Variants in CRIM1 observed in about 807,000 individuals in gnomAD.
CRIM1 encodes the protein cysteine rich transmembrane BMP regulator 1.
Under a neutral mutation model 116.4 loss-of-function variants are expected in CRIM1, and 32 were observed. That is an observed-to-expected ratio of 0.27 (90% CI 0.21 to 0.37). CRIM1 has a LOEUF of 0.37. Ranked by LOEUF, CRIM1 falls within the 10% of genes least tolerant of loss-of-function variation. CRIM1 has a pLI of 1.00. For synonymous variants in CRIM1, 590 were observed against 509.2 expected (o/e 1.16, Z -2.13); for missense variants, 1,331 against 1,354.8 (o/e 0.98, Z 0.28).
chr2:36,410,863 G>T (rs1365323898), intron 2 of CRIM1, among the ~76,000 whole-genome samples: 1 of 152,124 alleles, frequency 6.6e-6, no homozygotes, highest in Non-Finnish European at 1.5e-5. Flanking sequence ...GCATTAACGT[G>T]GCGTCTGCAA....
intron 13 of CRIM1, among the ~76,000 whole-genome samples, chr2:36,522,782 A>T (rs1472766970): frequency 2.1e-5 from 3 of 145,200 alleles, no homozygotes; most frequent in Non-Finnish European, 3.0e-5. Context: ...AGCCTGGGTG[A>T]CAGAGCAAGA....
rs758402543 is a variant in CRIM1, at chr2:36,356,398, G to C, written c.106G>C (p.Val36Leu). The C allele has an allele frequency of 7.5e-6, 12 of 1,605,502 alleles. No homozygotes were observed. Among genetic ancestry groups the C allele is most frequent in the Non-Finnish European group, 9.3e-6 (11 of 1,177,784 alleles). ...GGCGCGCTCCGGCACCCGGGCGCTGGTCTGCCTGCCCTGTGACGAGTCCAA... is the reference window on the plus strand; with the variant it reads ...GGCGCGCTCCGGCACCCGGGCGCTGCTCTGCCTGCCCTGTGACGAGTCCAA... ...LLARSGTRAL[V>L]CLPCDESKCE... Residue 36 changes from valine to leucine, a missense_variant, in exon 1 of 17, where the codon GTC (valine) becomes CTC (leucine). Physicochemically the swap from Val to Leu is conservative, Grantham distance 32. Coordinates refer to ENST00000280527, the MANE Select transcript of CRIM1 (RefSeq NM_016441.3). This position sits in a 1 kb window ranked among gnomAD's most constrained non-coding sequence, Gnocchi z 4.3.
chr2:36,404,819 G>C (rs1672668926), intron 2 of CRIM1, among the ~76,000 whole-genome samples: 1 of 152,102 alleles, frequency 6.6e-6, no homozygotes, highest in African/African-American at 2.4e-5. Flanking sequence ...GCAGATAACA[G>C]TTGCCTCAGA....
chr2:36,390,715 A>C (rs1487413329), intron 1 of CRIM1, among the ~76,000 whole-genome samples: 1 of 152,126 alleles, frequency 6.6e-6, no homozygotes, highest in Non-Finnish European at 1.5e-5. Context: ...TCTTGCACTA[A>C]AGAAAGGAAT....
At chr2:36,397,817 G>A (rs183290729) in intron 2 of CRIM1, among the ~76,000 whole-genome samples, 283 of 152,236 alleles carry the variant, frequency 1.9e-3, no homozygotes, top group Non-Finnish European at 3.4e-3. Context: ...GAAAAGAATA[G>A]AGTAGAAAAC....
intron 13 of CRIM1, among the ~76,000 whole-genome samples, chr2:36,534,518 T>TAGGGAAGGGAGGGAGAGG (rs1666376646): frequency 1.6e-5 from 1 of 60,998 alleles, no homozygotes; most frequent in Non-Finnish European, 3.1e-5. Context: ...GAGAGAGGGA[T>TAGGGAAGGGAGGGAGAGG]AGGGAAGGGA....
chr2:36,405,152 CT>C (rs986001790), intron 2 of CRIM1, among the ~76,000 whole-genome samples: 1 of 152,094 alleles, frequency 6.6e-6, no homozygotes, highest in East Asian at 1.9e-4. Flanking sequence ...ATTTATATAA[CT>C]TTTTTTCTCA....
intron 1 of CRIM1, among the ~76,000 whole-genome samples, chr2:36,386,931 G>C (rs1188366068): frequency 6.6e-6 from 1 of 152,084 alleles, no homozygotes; most frequent in African/African-American, 2.4e-5. Flanking sequence ...AAACAACATG[G>C]GACATTCAGG....
In CRIM1 at chr2:36,419,634, GGGA is replaced by G. The variant is rs550983188; in HGVS notation, c.506-21623_506-21621del. On this transcript the variant is annotated intron_variant, in intron 2 of 16. Transcript: ENST00000280527. ...AGAAGGAGGTCTTGTGCCTCCTAGGGGGACTAGCTCTTTTAGTATTATTTCTCT... is the reference window on the plus strand; with the variant it reads ...AGAAGGAGGTCTTGTGCCTCCTAGGGCTAGCTCTTTTAGTATTATTTCTCT... 3.9e-5 allele frequency among the ~76,000 whole-genome samples: 6 copies of G among 152,248 alleles called. No individual in the cohort carries two copies. The South Asian group carries it at 1.0e-3, about 26-fold the overall frequency.
chr2:36,362,409 G>A (rs1187087040), intron 1 of CRIM1, among the ~76,000 whole-genome samples: 1 of 152,188 alleles, frequency 6.6e-6, no homozygotes, highest in Non-Finnish European at 1.5e-5. Context: ...TAGAGCCTGT[G>A]CAATTGGTCT....
At chr2:36,411,000 G>A (rs1440795497) in intron 2 of CRIM1, among the ~76,000 whole-genome samples, 3 of 152,174 alleles carry the variant, frequency 2.0e-5, no homozygotes, top group Admixed American at 1.3e-4. Context: ...TCTCAGTCGT[G>A]TCTGACGCAG....
intron 14 of CRIM1, among the ~76,000 whole-genome samples, chr2:36,538,820 AT>A (rs1666740951): frequency 6.6e-6 from 1 of 152,216 alleles, no homozygotes; most frequent in Non-Finnish European, 1.5e-5. Flanking sequence ...ATAAGAAAAA[AT>A]ATATGGTTTT....
intron 1 of CRIM1, among the ~76,000 whole-genome samples, chr2:36,382,928 C>T (rs1314043455): frequency 6.6e-6 from 1 of 152,190 alleles, no homozygotes; most frequent in Admixed American, 6.5e-5. Flanking sequence ...TGGGAGTTGT[C>T]TGCATTTGGT....
At chr2:36,438,694 G>C (rs187855479) in intron 2 of CRIM1, among the ~76,000 whole-genome samples, 33 of 152,234 alleles carry the variant, frequency 2.2e-4, no homozygotes, top group African/African-American at 7.5e-4. Flanking sequence ...TAGCTAACCC[G>C]GTAGCTTTAA....
chr2:36,363,804 C>T (rs1407009914), intron 1 of CRIM1, among the ~76,000 whole-genome samples: 1 of 152,114 alleles, frequency 6.6e-6, no homozygotes, highest in Non-Finnish European at 1.5e-5. Context: ...CACTGATGAC[C>T]ACTGCAGGAT....
intron 5 of CRIM1, among the ~76,000 whole-genome samples, chr2:36,470,276 G>T (rs762927246): frequency 1.3e-5 from 2 of 152,196 alleles, no homozygotes; most frequent in Non-Finnish European, 2.9e-5. Flanking sequence ...GGGACAAGCT[G>T]CATGTCGAAG....
chr2:36,362,693 A>G (rs919868751), intron 1 of CRIM1, among the ~76,000 whole-genome samples: 9 of 152,314 alleles, frequency 5.9e-5, no homozygotes, highest in African/African-American at 2.2e-4. Context: ...GAATGGTTGA[A>G]TATACCTCTA....
intron 1 of CRIM1, among the ~76,000 whole-genome samples, chr2:36,363,575 T>A (rs1040249300): frequency 2.7e-5 from 4 of 150,432 alleles, no homozygotes; most frequent in African/African-American, 9.7e-5. Context: ...CTAAATGATT[T>A]CTACAAAGTT....
chr2:36,412,793 A>G (rs1222972257), intron 2 of CRIM1, among the ~76,000 whole-genome samples: 3 of 152,202 alleles, frequency 2.0e-5, no homozygotes, highest in East Asian at 1.9e-4. Flanking sequence ...TTTGCTTAAC[A>G]TAATGTAACA....
Sources: allele counts gnomAD v4.1 joint callset (sites outside exome capture counted in the v4.1 genomes callset), GRCh38; gene constraint gnomAD v4.1.1; non-coding constraint Gnocchi (gnomAD v3.1); transcripts MANE v1.5; gene names NCBI Gene and HGNC (gene_info 2026-07-23, HGNC 2026-07-21).